P3H3: variants seen among roughly 807,000 people sequenced by gnomAD.
P3H3 encodes gene rich cluster, B.
P3H3 carries 64 observed loss-of-function variants against 78.1 expected under a neutral mutation model. That is an observed-to-expected ratio of 0.82 (90% CI 0.67 to 1.01). The LOEUF (loss-of-function observed/expected upper bound fraction) is 1.01, where lower values mean the gene tolerates loss of function less well. Among genes scored for constraint, P3H3 ranks in the 50% least tolerant of loss-of-function variants. The pLI is 0.00. For missense variants in P3H3, 975 were observed against 982.2 expected (o/e 0.99, Z 0.10); for synonymous variants, 425 against 416.7 (o/e 1.02, Z -0.24).
Position 6,829,608 on chromosome 12 carries a change from G to C in P3H3, c.499-251G>C. The C allele has an allele frequency of 3.9e-6, 2 of 516,614 alleles. No individual in the cohort carries two copies. The highest frequency in any genetic ancestry group is 6.9e-6 in the Non-Finnish European group (2 of 288,080). The allele number at this position is 516,614 out of a possible 1,614,324, so 32.0% of individuals were successfully genotyped here. Reference sequence around the variant, plus strand: ...CCAAATTGAGGTCCTGAAGTCCTGAGACCCATGTCCCACCCAACTCCGACG... The same window carrying C: ...CCAAATTGAGGTCCTGAAGTCCTGACACCCATGTCCCACCCAACTCCGACG... On this transcript the variant is annotated intron_variant, in intron 1 of 14. Transcript: ENST00000290510. This position sits in a 1 kb window ranked among gnomAD's most constrained non-coding sequence, Gnocchi z 5.1.
rs1555121036 is a variant in P3H3, at chr12:6,829,870, G to A, written c.510G>A (p.Leu170=). ...LQRAYYQLKK[L]DLAAAAAHTF... ...CTTCGCCTCCTCAGTTGAAGAAGCT[G>A]GATCTGGCAGCTGCGGCAGCACACA... The change falls in exon 2 of 15, where the codon CTG becomes CTA. Residue 170 remains leucine (L), a synonymous_variant. Transcript: ENST00000290510. The surrounding 1 kb of genome is among the most constrained non-coding windows in gnomAD (Gnocchi z 5.1). 6.2e-7 allele frequency: 1 copy of A among 1,613,962 alleles called. No homozygotes were observed. Among genetic ancestry groups the A allele is most frequent in the East Asian group, 2.2e-5 (1 of 44,882 alleles).
In P3H3 at chr12:6,830,573, AG is replaced by A; in HGVS notation, c.853+24del. The A allele has an allele frequency of 6.3e-6, 10 of 1,578,918 alleles. No individual in the cohort carries two copies. Among genetic ancestry groups the A allele is most frequent in the Non-Finnish European group, 8.6e-6 (10 of 1,162,146 alleles). On this transcript the variant is annotated intron_variant, in intron 3 of 14. Transcript: ENST00000290510. ...ATTGCAGGTAAGGGTCCCGTGTGTG[AG>A]GGGGTGGGTCGGTGCCCAGGGAGGG... is the stretch of plus-strand genomic sequence containing the variant.
In P3H3 at chr12:6,829,632, C is replaced by G. The variant is rs1217375793; in HGVS notation, c.499-227C>G. On this transcript the variant is annotated intron_variant, in intron 1 of 14. Transcript: ENST00000290510. This position sits in a 1 kb window ranked among gnomAD's most constrained non-coding sequence, Gnocchi z 5.1. ...AGACCCATGTCCCACCCAACTCCGA[C>G]GTCTTTAGATCCCCTTTCCCTCGGT... 2.3e-5 allele frequency: 13 copies of G among 558,024 alleles called. No individual in the cohort carries two copies. Among genetic ancestry groups the G allele is most frequent in the Non-Finnish European group, 3.8e-5 (12 of 313,640 alleles). 34.6% of individuals were successfully genotyped at this position (558,024 alleles called of 1,614,324 possible).
intron 6 of P3H3, among the ~76,000 whole-genome samples, chr12:6,832,695 A>G (rs1943460926): frequency 1.3e-5 from 2 of 151,784 alleles, no homozygotes; most frequent in South Asian, 2.1e-4. Flanking sequence ...TCCACCTCCC[A>G]GGTTCAAGCG....
In P3H3 at chr12:6,837,577, C is replaced by T. The variant is rs377668605; in HGVS notation, c.1711+4C>T. The T allele has an allele frequency of 1.3e-5, 21 of 1,611,172 alleles. No individual in the cohort carries two copies. The African/African-American group carries it at 1.3e-4, about 10-fold the overall frequency. ...GTGTGCCGCAGCGCCATAGAAGGTA[C>T]GACAGGGACCCCCCACTGCTCTTCT... On this transcript the variant is annotated splice_donor_region_variant and intron_variant, in intron 11 of 14. Coordinates refer to ENST00000290510, the MANE Select transcript of P3H3 (RefSeq NM_014262.5).
chr12:6,837,586 C>G lies in P3H3; in HGVS notation c.1711+13C>G, dbSNP rs782692885. 5.6e-6 allele frequency: 9 copies of G among 1,609,808 alleles called. No individual in the cohort carries two copies. Among genetic ancestry groups the G allele is most frequent in the African/African-American group, 1.3e-5 (1 of 74,786 alleles). On this transcript the variant is annotated intron_variant, in intron 11 of 14. Transcript: ENST00000290510. ...AGCGCCATAGAAGGTACGACAGGGACCCCCCACTGCTCTTCTCCAACCTCA... is the reference window on the plus strand; with the variant it reads ...AGCGCCATAGAAGGTACGACAGGGAGCCCCCACTGCTCTTCTCCAACCTCA...
chr12:6,836,899 C>A, intron 9 of P3H3, 86 bp from the exon 10 acceptor site: 1 of 901,718 alleles, frequency 1.1e-6, no homozygotes, highest in Non-Finnish European at 1.7e-6. Flanking sequence ...TTCTGGAGAG[C>A]GGGAGGGCCG....
chr12:6,831,347 A>G lies in P3H3; in HGVS notation c.1117A>G (p.Arg373Gly). The G allele has an allele frequency of 5.0e-6, 8 of 1,613,744 alleles. No homozygotes were observed. Among genetic ancestry groups the G allele is most frequent in the Non-Finnish European group, 6.8e-6 (8 of 1,179,816 alleles). Residue 373 changes from arginine to glycine, a missense_variant, in exon 5 of 15, where the codon AGA (arginine) becomes GGA (glycine). Physicochemically the swap from Arg to Gly is moderately radical, Grantham distance 125 (BLOSUM62 -2). Transcript: ENST00000290510. The surrounding 1 kb of genome is among the most constrained non-coding windows in gnomAD (Gnocchi z 4.6). The stretch of plus-strand genomic sequence containing the variant: ...AGAGCCGAGACCTGGCCTCGGACCC[A>G]GAGAGGTAATCCCCTCTCCACGCTC... ...LGEPRPGLGP[R>G]EDIQRFILRS...
chr12:6,833,584 T>C lies in P3H3; in HGVS notation c.1213-8T>C. On this transcript the variant is annotated splice_polypyrimidine_tract_variant and splice_region_variant and intron_variant, in intron 6 of 14. Transcript: ENST00000290510. ...GGTGGGTGATGATGCTTTTCTGGAC[T>C]GTCGCAGGACCCCTGGACCCCTGCA... The C allele has an allele frequency of 6.2e-7, 1 of 1,613,790 alleles. No homozygotes were observed. The highest frequency in any genetic ancestry group is 8.5e-7 in the Non-Finnish European group (1 of 1,179,718).
rs1943517285 is a variant in P3H3 at position 6,837,967 on chromosome 12, C to A, written c.1839C>A (p.Leu613=). 1 of 1,607,414 alleles carries A rather than the reference C, an allele frequency of 6.2e-7. No individual in the cohort carries two copies. The highest frequency in any genetic ancestry group is 1.7e-5 in the Admixed American group (1 of 59,158). Reference sequence around the variant, plus strand: ...TTTTTTCCCTCCCCAGCGGACTCCTCTACCTCAACGATGACTTCCAGGGTG... The same window carrying A: ...TTTTTTCCCTCCCCAGCGGACTCCTATACCTCAACGATGACTTCCAGGGTG... ...AYTYRDYSGL[L]YLNDDFQGGD... is the part of the protein sequence containing the mutation. The change falls in exon 13 of 15, where the codon CTC becomes CTA. Residue 613 remains leucine, a synonymous_variant. Transcript: ENST00000290510.
At chr12:6,834,333 T>C (rs782124099) in intron 9 of P3H3, among the ~76,000 whole-genome samples, 4 of 152,248 alleles carry the variant, frequency 2.6e-5, no homozygotes, top group African/African-American at 7.2e-5. Context: ...ATTGCTTGGT[T>C]AGCCAAGAGT....
chr12:6,833,690 G>A (rs1555121723), intron 7 of P3H3, 46 bp downstream of exon 7: 1 of 1,605,492 alleles, frequency 6.2e-7, no homozygotes, highest in Non-Finnish European at 8.5e-7. Flanking sequence ...GAGCTGGGAG[G>A]CTGGGTCTGG....
rs1943511307 is a variant in P3H3 at position 6,837,531 on chromosome 12, C to T, written c.1669C>T (p.His557Tyr). 6.2e-7 allele frequency: 1 copy of T among 1,612,334 alleles called. No homozygotes were observed. Among genetic ancestry groups the T allele is most frequent in the Non-Finnish European group, 8.5e-7 (1 of 1,179,332 alleles). Residue 557 changes from histidine (H) to tyrosine (Y), a missense_variant, in exon 11 of 15, where the codon CAT becomes TAT. Physicochemically the swap from His to Tyr is moderately conservative, Grantham distance 83 (BLOSUM62 2). Transcript: ENST00000290510. ...QAYFSPERPL[H>Y]LSFTHLVCRS... is the part of the protein sequence containing the mutation. ...CTACTTCTCCCCGGAACGGCCCCTGCATCTGTCCTTCACCCACCTGGTGTG... is the reference window on the plus strand; with the variant it reads ...CTACTTCTCCCCGGAACGGCCCCTGTATCTGTCCTTCACCCACCTGGTGTG...
rs1555122752 is a variant in P3H3 at position 6,839,356 on chromosome 12, G to A, written c.2106G>A (p.Glu702=). The change falls in exon 15 of 15, where the codon GAG becomes GAA. Residue 702 remains glutamate, a synonymous_variant. Coordinates refer to ENST00000290510, the MANE Select transcript of P3H3 (RefSeq NM_014262.5). ...CACAGGAGGAGGAGGAAGAGGAAGA[G>A]GAAGAAATGCCCAGCAAAGACCCTT... ...QESQEEEEEE[E]EEMPSKDPSP... The A allele has an allele frequency of 1.3e-6, 2 of 1,553,880 alleles. No homozygotes were observed. The highest frequency in any genetic ancestry group is 1.4e-5 in the African/African-American group (1 of 73,198).
chr12:6,828,620 G>C lies in P3H3; in HGVS notation c.180G>C (p.Leu60=). ...CTTGGGCGCCGGCCGTGGCGCTGCT[G>C]CGGGAGGCGCTGCGGAGCCAGGCGG... ...AGAWAPAVAL[L]REALRSQAAL... Residue 60 remains leucine, a synonymous_variant, in exon 1 of 15, where the codon CTG becomes CTC. Transcript: ENST00000290510. 1 of 1,216,478 alleles carries C rather than the reference G, an allele frequency of 8.2e-7. No individual in the cohort carries two copies. Among genetic ancestry groups the C allele is most frequent in the Non-Finnish European group, 1.0e-6 (1 of 978,602 alleles). 75.4% of individuals were successfully genotyped at this position (1,216,478 alleles called of 1,614,324 possible).
intron 13 of P3H3, among the ~76,000 whole-genome samples, chr12:6,838,634 G>A (rs1209408450): frequency 1.3e-5 from 2 of 152,016 alleles, no homozygotes; most frequent in Non-Finnish European, 2.9e-5. Context: ...GTGTGAAAAT[G>A]GTTCCAATAT....
chr12:6,835,416 T>G (rs1199695653), intron 9 of P3H3, among the ~76,000 whole-genome samples: 1 of 151,620 alleles, frequency 6.6e-6, no homozygotes, highest in Non-Finnish European at 1.5e-5. Flanking sequence ...AACCCGGTCT[T>G]TACTAAAAAT....
At position 6,831,451 on chromosome 12, in the gene P3H3, G is replaced by A; in HGVS notation, c.1122+99G>A. ...CCCACCCCCCGCTGGCCTCTTACCC[G>A]AGCACTCTAGTCACCCAAAGGACTC... On this transcript the variant is annotated intron_variant, in intron 5 of 14. Transcript: ENST00000290510. The surrounding 1 kb of genome is among the most constrained non-coding windows in gnomAD (Gnocchi z 4.6). 5.3e-6 allele frequency: 8 copies of A among 1,499,122 alleles called. No individual in the cohort carries two copies. The highest frequency in any genetic ancestry group is 1.2e-5 in the South Asian group (1 of 81,320). The allele number at this position is 1,499,122 out of a possible 1,614,324, so 92.9% of individuals were successfully genotyped here. A position where few individuals can be genotyped will look rare whatever the true frequency, so the allele number is the denominator to read the frequency against.
Position 6,831,831 on chromosome 12 carries a change from C to T in P3H3, c.1129C>T (p.Gln377Ter), listed in dbSNP as rs782044056. The T allele has an allele frequency of 1.9e-6, 3 of 1,601,874 alleles. No homozygotes were observed. Among genetic ancestry groups the T allele is most frequent in the Non-Finnish European group, 2.6e-6 (3 of 1,171,454 alleles). ...RPGLGPREDI[Q>*]RFILRSLGEK... ...CTCATCATCTCACCCTCAGGACATC[C>T]AGCGCTTCATCCTCCGATCCCTGGG... Residue 377 changes from glutamine (Q) to a stop codon, truncating the protein, a stop_gained, in exon 6 of 15, where the codon CAG (glutamine) becomes TAG (stop). Coordinates refer to ENST00000290510, the MANE Select transcript of P3H3 (RefSeq NM_014262.5). LOFTEE classifies it high-confidence loss of function. This position sits in a 1 kb window ranked among gnomAD's most constrained non-coding sequence, Gnocchi z 4.6.
Sources: allele counts gnomAD v4.1 joint callset (sites outside exome capture counted in the v4.1 genomes callset), GRCh38; gene constraint gnomAD v4.1.1; non-coding constraint Gnocchi (gnomAD v3.1); transcripts MANE v1.5; gene names NCBI Gene and HGNC (gene_info 2026-07-23, HGNC 2026-07-21).